Variants in ULK4 observed in about 807,000 individuals in gnomAD.
ULK4 encodes inactive serine/threonine-protein kinase ULK4.
Under a neutral mutation model 160.6 loss-of-function variants are expected in ULK4, and 133 were observed. The observed-to-expected ratio is 0.83, with a 90% CI of 0.72 to 0.96. The LOEUF is 0.96. ULK4 is among the 40% of genes least tolerant of loss of function. ULK4 has a pLI of 0.00. For missense variants in ULK4, 1,580 were observed against 1,499.5 expected (o/e 1.05, Z -0.89); for synonymous variants, 534 against 539.8 (o/e 0.99, Z 0.15).
chr3:41,375,247 T>C (rs943713128), intron 35 of ULK4, among the ~76,000 whole-genome samples: 1 of 152,178 alleles, frequency 6.6e-6, no homozygotes, highest in African/African-American at 2.4e-5. Flanking sequence ...CCCATCAAAC[T>C]ACCACTGACT....
chr3:41,884,758 G>A (rs1486478161), intron 16 of ULK4, among the ~76,000 whole-genome samples: 1 of 152,186 alleles, frequency 6.6e-6, no homozygotes, highest in African/African-American at 2.4e-5. Context: ...CAGGGAAAAT[G>A]TCTGCGTTAT....
intron 17 of ULK4, among the ~76,000 whole-genome samples, chr3:41,876,449 A>T (rs1697304375): frequency 6.6e-6 from 1 of 152,224 alleles, no homozygotes; most frequent in Admixed American, 6.5e-5. Flanking sequence ...CAGAGCACTG[A>T]ACATTCTTTC....
At chr3:41,699,535 C>T (rs1382765591) in intron 27 of ULK4, among the ~76,000 whole-genome samples, 2 of 152,056 alleles carry the variant, frequency 1.3e-5, no homozygotes, top group Admixed American at 6.5e-5. Flanking sequence ...CAAAACAAAT[C>T]GTGGCTTTCT....
rs376721955 is a variant in ULK4, at chr3:41,911,503, C to A, written c.1015+38G>T. 172 of 1,595,614 alleles carry A rather than the reference C, an allele frequency of 1.1e-4. No homozygotes were observed. The East Asian group carries it at 3.3e-3, about 31-fold the overall frequency. On this transcript the variant is annotated intron_variant, in intron 10 of 36. Transcript: ENST00000301831. Reference sequence around the variant, plus strand: ...TGAAATTAGGAACTCTCTCAAACAACATTCTAAGTAGCATGAATGTGCTCA... The same window carrying A: ...TGAAATTAGGAACTCTCTCAAACAAAATTCTAAGTAGCATGAATGTGCTCA...
At chr3:41,500,094 T>C (rs1344567169) in intron 32 of ULK4, among the ~76,000 whole-genome samples, 1 of 152,070 alleles carries the variant, frequency 6.6e-6, no homozygotes, top group African/African-American at 2.4e-5. Context: ...TTTCTTGAGT[T>C]TTTTCCATTT....
At chr3:41,353,683 A>G (rs1473138267) in intron 35 of ULK4, among the ~76,000 whole-genome samples, 1 of 136,684 alleles carries the variant, frequency 7.3e-6, no homozygotes, top group Non-Finnish European at 1.5e-5. Context: ...AATAATAATA[A>G]TAATAATAAT....
chr3:41,336,393 G>A (rs1344103404), intron 35 of ULK4, among the ~76,000 whole-genome samples: 1 of 152,210 alleles, frequency 6.6e-6, no homozygotes, highest in Non-Finnish European at 1.5e-5. Flanking sequence ...ACTCTTCAAT[G>A]TTACTGGGGT....
At chr3:41,704,019 C>T (rs1467124006) in intron 27 of ULK4, among the ~76,000 whole-genome samples, 1 of 152,164 alleles carries the variant, frequency 6.6e-6, no homozygotes. Context: ...TATCTAAGTA[C>T]AGTTTTTATT....
At chr3:41,927,231 C>G (rs1343038715) in intron 5 of ULK4, among the ~76,000 whole-genome samples, 1 of 152,186 alleles carries the variant, frequency 6.6e-6, no homozygotes, top group African/African-American at 2.4e-5. Context: ...CCCAGAATTT[C>G]ATATCCAGAC....
chr3:41,302,512 T>C (rs1170992921), intron 35 of ULK4, among the ~76,000 whole-genome samples: 2 of 152,206 alleles, frequency 1.3e-5, no homozygotes, highest in African/African-American at 4.8e-5. Context: ...GATTATTCTC[T>C]GAATAATCAA....
chr3:41,554,644 T>C (rs2087217650), intron 32 of ULK4, among the ~76,000 whole-genome samples: 1 of 152,120 alleles, frequency 6.6e-6, no homozygotes, highest in South Asian at 2.1e-4. Context: ...GTGGTTGATA[T>C]CACCATATGG....
At chr3:41,464,563 A>C (rs1559622348) in intron 32 of ULK4, among the ~76,000 whole-genome samples, 1 of 152,202 alleles carries the variant, frequency 6.6e-6, no homozygotes, top group Non-Finnish European at 1.5e-5. Context: ...CTGCACCACC[A>C]GGCATTCTCC....
intron 34 of ULK4, among the ~76,000 whole-genome samples, chr3:41,406,652 T>C (rs1307728839): frequency 6.6e-6 from 1 of 152,222 alleles, no homozygotes; most frequent in South Asian, 2.1e-4. Context: ...TTATGTCTTC[T>C]GTTTCCTGTT....
chr3:41,906,566 C>T (rs1159483546), intron 12 of ULK4, among the ~76,000 whole-genome samples: 6 of 151,248 alleles, frequency 4.0e-5, no homozygotes, highest in Non-Finnish European at 5.9e-5. Flanking sequence ...ACACATGACA[C>T]AGCAATTCCA....
In ULK4 at chr3:41,805,507, C is replaced by T. The variant is rs867131092; in HGVS notation, c.1849-5214G>A. Reference sequence around the variant, plus strand: ...TCCTGCCTGATTGCCCTGGCCAGAACTTCCAACACTATGTTGAATAGGAGT... The same window carrying T: ...TCCTGCCTGATTGCCCTGGCCAGAATTTCCAACACTATGTTGAATAGGAGT... On this transcript the variant is annotated intron_variant, in intron 19 of 36. Transcript: ENST00000301831. 5.1e-3 allele frequency among the ~76,000 whole-genome samples: 771 copies of T among 152,138 alleles called. 5 individuals are homozygous for T. Among genetic ancestry groups the T allele is most frequent in the African/African-American group, 0.017 (717 of 41,510 alleles).
At chr3:41,508,034 A>G (rs1044428796) in intron 32 of ULK4, among the ~76,000 whole-genome samples, 2 of 152,200 alleles carry the variant, frequency 1.3e-5, no homozygotes, top group Admixed American at 1.3e-4. Context: ...CTGGTGGTCC[A>G]GGGCAAGTTC....
intron 35 of ULK4, among the ~76,000 whole-genome samples, chr3:41,347,605 T>C (rs1477075951): frequency 1.3e-5 from 2 of 152,082 alleles, no homozygotes; most frequent in African/African-American, 4.8e-5. Flanking sequence ...CTCACGTGAT[T>C]CCTCCTATCT....
intron 31 of ULK4, among the ~76,000 whole-genome samples, chr3:41,586,185 G>A (rs917821722): frequency 6.6e-6 from 1 of 152,194 alleles, no homozygotes; most frequent in Non-Finnish European, 1.5e-5. Flanking sequence ...ATCTCAAAGA[G>A]AGAATTGCCC....
In ULK4 at chr3:41,885,489, C is replaced by T. The variant is rs556862052; in HGVS notation, c.1578-1537G>A. On this transcript the variant is annotated intron_variant, in intron 16 of 36. Transcript: ENST00000301831. ...TTTCTCAGGTCACCATTTCAGGTGC[C>T]CCCAGTGACTCGACACTGTACCTCA... 1.8e-3 allele frequency among the ~76,000 whole-genome samples: 279 copies of T among 152,178 alleles called. 1 individual carries two copies. The highest frequency in any genetic ancestry group is 3.5e-3 in the Non-Finnish European group (240 of 68,010).
Sources: gnomAD v4.1 joint callset for allele counts (sites outside exome capture counted in the v4.1 genomes callset) on GRCh38, gnomAD v4.1.1 for gene constraint, MANE v1.5 for transcripts, NCBI Gene and HGNC (gene_info 2026-07-23, HGNC 2026-07-21) for gene names.